Variants in EDEM2 observed in about 807,000 individuals in gnomAD.
EDEM2 encodes ER degradation enhancing alpha-mannosidase like protein 2, also known as ER degradation-enhancing alpha-mannosidase-like protein 2.
Under a neutral mutation model 64.8 loss-of-function variants are expected in EDEM2, and 39 were observed. That is an observed-to-expected ratio of 0.60 (90% CI 0.47 to 0.79). The LOEUF is 0.79. EDEM2 is among the 30% of genes least tolerant of loss of function. The pLI, the probability that EDEM2 is intolerant of heterozygous loss-of-function variation, is 0.00. For missense variants in EDEM2, 609 were observed against 731.3 expected (o/e 0.83, Z 1.93); for synonymous variants, 296 against 291.5 (o/e 1.02, Z -0.16).
chr20:35,144,985 G>C lies in EDEM2; in HGVS notation c.252C>G (p.Thr84=). Residue 84 remains threonine, a synonymous_variant, in exon 3 of 11, where the codon ACC becomes ACG. Transcript: ENST00000374492. ...FSLTLIDALD[T]LLILGNVSEF... ...AAACAGACGAGATACTTACCAGCAA[G>C]GTGTCCAGTGCATCAATTAGAGTCA... The C allele has an allele frequency of 6.2e-7, 1 of 1,614,018 alleles. No homozygotes were observed. The highest frequency in any genetic ancestry group is 8.5e-7 in the Non-Finnish European group (1 of 1,179,944).
At chr20:35,144,957 A>G (rs2085709167) in intron 3 of EDEM2, 22 bp downstream of exon 3, 2 of 1,613,520 alleles carry the variant, frequency 1.2e-6, no homozygotes, top group South Asian at 2.2e-5. Flanking sequence ...TGGAAAGGAA[A>G]AGAAACAGAC....
intron 3 of EDEM2, among the ~76,000 whole-genome samples, chr20:35,142,760 T>G (rs1239832062): frequency 1.3e-5 from 2 of 151,954 alleles, no homozygotes; most frequent in Non-Finnish European, 2.9e-5. Context: ...CATAGAAGTC[T>G]TAGGTTTTTT....
chr20:35,133,364 G>A (rs1447808771), intron 6 of EDEM2, among the ~76,000 whole-genome samples: 1 of 152,112 alleles, frequency 6.6e-6, no homozygotes, highest in African/African-American at 2.4e-5. Context: ...TAAGAGTTGA[G>A]AGGATATGGG....
At position 35,127,176 on chromosome 20, in the gene EDEM2, C is replaced by A. The variant is rs560166514; in HGVS notation, c.845-801G>T. Among the ~76,000 whole-genome samples, 10 of 152,308 alleles carry A rather than the reference C, an allele frequency of 6.6e-5. No homozygotes were observed. The East Asian group carries it at 1.9e-3, about 29-fold the overall frequency. On this transcript the variant is annotated intron_variant, in intron 7 of 10. Coordinates refer to ENST00000374492, the MANE Select transcript of EDEM2 (RefSeq NM_018217.3). ...CCATGTAAGATGTGCCTTTCGCCTTCCGCCACGATTGTGAGGCCTCCCCAG... is the reference window on the plus strand; with the variant it reads ...CCATGTAAGATGTGCCTTTCGCCTTACGCCACGATTGTGAGGCCTCCCCAG...
intron 6 of EDEM2, among the ~76,000 whole-genome samples, chr20:35,134,502 C>T (rs889530905): frequency 1.3e-5 from 2 of 152,212 alleles, no homozygotes; most frequent in African/African-American, 4.8e-5. Flanking sequence ...AGAATCTCAA[C>T]TGGTCAAAGC....
intron 10 of EDEM2, 64 bp from the exon 11 acceptor site, chr20:35,115,997 A>G (rs1473995891): frequency 7.7e-6 from 12 of 1,550,932 alleles, no homozygotes; most frequent in Non-Finnish European, 1.1e-5. Flanking sequence ...GGGTCAGGCA[A>G]TCCCTTAAGA....
At chr20:35,146,002 CAAAAAAAAAAAAA>C (rs138113879) in intron 2 of EDEM2, among the ~76,000 whole-genome samples, 2 of 82,818 alleles carry the variant, frequency 2.4e-5, no homozygotes, top group Non-Finnish European at 4.8e-5. Flanking sequence ...AACTCCATCT[CAAAAAAAAAAAAA>C]AAAAAAAAAG....
intron 10 of EDEM2, among the ~76,000 whole-genome samples, chr20:35,118,202 T>C (rs1470378919): frequency 6.6e-6 from 1 of 152,204 alleles, no homozygotes; most frequent in Non-Finnish European, 1.5e-5. Context: ...GACTGCTTTG[T>C]TAAGGAGTCC....
rs891853190 is a variant in EDEM2 at position 35,142,603 on chromosome 20, GAT to G, written c.259-127_259-126del. On this transcript the variant is annotated intron_variant, in intron 3 of 10. Transcript: ENST00000374492. ...TTAAGACCTCCAGTTTCTGTCCTAG[GAT>G]TGGTGACAGCAGAAGAAAACACTGA... The G allele has an allele frequency of 8.8e-5, 59 of 671,758 alleles. No homozygotes were observed. In the African/African-American group the frequency reaches 9.4e-4, roughly 11 times the overall value. The allele number at this position is 671,758 out of a possible 1,614,324, so 41.6% of individuals were successfully genotyped here.
In EDEM2 at chr20:35,146,908, G is replaced by T. The variant is rs557733785; in HGVS notation, c.135C>A (p.His45Gln). The T allele has an allele frequency of 5.6e-6, 9 of 1,614,130 alleles. No individual in the cohort carries two copies. In the East Asian group the frequency reaches 1.8e-4, roughly 32 times the overall value. Residue 45 changes from histidine to glutamine, a missense_variant, in exon 2 of 11, where the codon CAC becomes CAA. Coordinates refer to ENST00000374492, the MANE Select transcript of EDEM2 (RefSeq NM_018217.3). ...CATTCTCCAGGTAGCTGTCGTAGGC[G>T]TGGTAGAACATGGCCTTGACTCGCT... ...YRERVKAMFY[H>Q]AYDSYLENAF...
chr20:35,145,164 A>G, intron 2 of EDEM2, 146 bp from the exon 3 acceptor site: 1 of 801,924 alleles, frequency 1.2e-6, no homozygotes, highest in Admixed American at 2.8e-5. Context: ...GAGAAACCAC[A>G]GTGAAAATCG....
At chr20:35,133,747 G>A (rs11906610) in intron 6 of EDEM2, among the ~76,000 whole-genome samples, 4,966 of 152,196 alleles carry the variant, frequency 0.033, 268 homozygotes, top group African/African-American at 0.11. Flanking sequence ...AATTACAGGC[G>A]TGAGCCACCG....
chr20:35,119,083 T>TCAC (rs2085339747), intron 9 of EDEM2, among the ~76,000 whole-genome samples: 1 of 151,790 alleles, frequency 6.6e-6, no homozygotes, highest in Non-Finnish European at 1.5e-5. Context: ...CTGCCAACAC[T>TCAC]AACTATTCTA....
chr20:35,124,108 A>G, intron 8 of EDEM2, 74 bp from the exon 9 acceptor site: 1 of 1,549,238 alleles, frequency 6.5e-7, no homozygotes, highest in East Asian at 2.3e-5. Flanking sequence ...AGAAAAGACA[A>G]AGTAAAATCT....
intron 3 of EDEM2, among the ~76,000 whole-genome samples, 183 bp from the exon 4 acceptor site, chr20:35,142,661 A>G (rs3746427): frequency 0.62 from 94,907 of 152,054 alleles, 31,469 homozygotes; most frequent in African/African-American, 0.85. Context: ...ACTTCATACC[A>G]AGAGACTGGT....
Position 35,141,931 on chromosome 20 carries a change from T to C in EDEM2, c.364+442A>G, listed in dbSNP as rs968308953. The stretch of plus-strand genomic sequence containing the variant: ...AAATGAAATTAAAAATTCAATTCCA[T>C]AGTTGTAGTAGATACATTTCAAATG... On this transcript the variant is annotated intron_variant, in intron 4 of 10. Transcript: ENST00000374492. 2.0e-5 allele frequency among the ~76,000 whole-genome samples: 3 copies of C among 152,204 alleles called. No homozygotes were observed. The South Asian group carries it at 6.2e-4, about 31-fold the overall frequency.
chr20:35,128,245 T>A lies in EDEM2; in HGVS notation c.845-1870A>T, dbSNP rs1016705820. Reference sequence around the variant, plus strand: ...AAAATACAAAAAAATTAGCTGGGTGTGGTGGCGGGCGCCTGTAATCCCAGC... The same window carrying A: ...AAAATACAAAAAAATTAGCTGGGTGAGGTGGCGGGCGCCTGTAATCCCAGC... On this transcript the variant is annotated intron_variant, in intron 7 of 10. Coordinates refer to ENST00000374492, the MANE Select transcript of EDEM2 (RefSeq NM_018217.3). Among the ~76,000 whole-genome samples the A allele has an allele frequency of 2.6e-5, 4 of 151,616 alleles. No homozygotes were observed. The East Asian group carries it at 5.8e-4, about 22-fold the overall frequency.
chr20:35,131,884 T>C (rs1033797), intron 6 of EDEM2, 101 bp from the exon 7 acceptor site: 203,755 of 1,400,128 alleles, frequency 0.15, 24,149 homozygotes, highest in African/African-American at 0.61. Context: ...GCAGGGCAGG[T>C]GCCCCAGTGC....
chr20:35,130,191 C>T (rs1415527377), intron 7 of EDEM2, among the ~76,000 whole-genome samples: 2 of 152,096 alleles, frequency 1.3e-5, no homozygotes, highest in African/African-American at 4.8e-5. Context: ...CCTTGGCCTC[C>T]CAAGTAGTGG....
Sources: allele counts gnomAD v4.1 joint callset (sites outside exome capture counted in the v4.1 genomes callset), GRCh38; gene constraint gnomAD v4.1.1; transcripts MANE v1.5; gene names NCBI Gene and HGNC (gene_info 2026-07-23, HGNC 2026-07-21).